LMTK2: variants seen among roughly 807,000 people sequenced by gnomAD.
LMTK2 encodes lemur tail kinase 2.
A neutral mutation model predicts 127.5 loss-of-function variants in LMTK2; 37 were observed. The observed-to-expected ratio is 0.29, with a 90% CI of 0.22 to 0.38. The LOEUF (loss-of-function observed/expected upper bound fraction) is 0.38, where lower values mean the gene tolerates loss of function less well. Ranked by LOEUF, LMTK2 falls within the 10% of genes least tolerant of loss-of-function variation. LMTK2 has a pLI of 1.00. For missense variants in LMTK2, 1,694 were observed against 1,920.3 expected (o/e 0.88, Z 2.20); for synonymous variants, 819 against 810.1 (o/e 1.01, Z -0.19).
chr7:98,123,427 T>G (rs1796396283), intron 1 of LMTK2, among the ~76,000 whole-genome samples: 1 of 152,158 alleles, frequency 6.6e-6, no homozygotes, highest in Admixed American at 6.5e-5. Context: ...CCAGGTGCCT[T>G]GTCAGCAGCT....
At chr7:98,115,178 G>A (rs1157924471) in intron 1 of LMTK2, among the ~76,000 whole-genome samples, 2 of 152,120 alleles carry the variant, frequency 1.3e-5, no homozygotes, top group African/African-American at 4.8e-5. Flanking sequence ...ACGGTGGGAG[G>A]TCGAGGTGGG....
chr7:98,200,815 T>C (rs1312740708), intron 11 of LMTK2, among the ~76,000 whole-genome samples: 1 of 151,958 alleles, frequency 6.6e-6, no homozygotes, highest in Non-Finnish European at 1.5e-5. Flanking sequence ...GTATTATTTA[T>C]TTTGTTGTTG....
At chr7:98,136,775 A>C (rs575555923) in intron 1 of LMTK2, among the ~76,000 whole-genome samples, 2 of 152,342 alleles carry the variant, frequency 1.3e-5, no homozygotes, top group South Asian at 2.1e-4. Flanking sequence ...CTGAGAAGAC[A>C]TTGGGTGGCC....
chr7:98,153,109 G>A (rs904717717), intron 4 of LMTK2, among the ~76,000 whole-genome samples: 2 of 152,182 alleles, frequency 1.3e-5, no homozygotes, highest in Non-Finnish European at 2.9e-5. Flanking sequence ...TGAGTTGGCC[G>A]TTAGACAACT....
chr7:98,190,638 C>G, intron 9 of LMTK2, 90 bp from the exon 10 acceptor site: 1 of 1,176,054 alleles, frequency 8.5e-7, no homozygotes, highest in Non-Finnish European at 1.3e-6. Flanking sequence ...CACACCTTGT[C>G]CTTAAAATTA....
At chr7:98,176,054 A>G (rs900799440) in intron 7 of LMTK2, among the ~76,000 whole-genome samples, 1 of 152,260 alleles carries the variant, frequency 6.6e-6, no homozygotes, top group Non-Finnish European at 1.5e-5. Context: ...AGACACAAAT[A>G]CTAGCAAACT....
At chr7:98,205,141 A>G (rs1797769709) in intron 13 of LMTK2, among the ~76,000 whole-genome samples, 1 of 152,194 alleles carries the variant, frequency 6.6e-6, no homozygotes, top group African/African-American at 2.4e-5. Context: ...AAGAGGCTTT[A>G]TTTCCCTCGG....
At chr7:98,140,114 C>G (rs571024578) in intron 2 of LMTK2, among the ~76,000 whole-genome samples, 1,413 of 7,504 alleles carry the variant, frequency 0.19, 248 homozygotes, top group South Asian at 0.38. Context: ...TTCTTTCTTT[C>G]TTTCTTTCTT....
rs1232497164 is a variant in LMTK2 at position 98,171,281 on chromosome 7, C to T, written c.658-260C>T. On this transcript the variant is annotated intron_variant, in intron 6 of 13. Transcript: ENST00000297293. The surrounding 1 kb of genome is among the most constrained non-coding windows in gnomAD (Gnocchi z 5.1). ...CTACACAGCATTTAGTTTAAATGTG[C>T]ATCATTGCAAAACTATCTTTTTTTA... Among the ~76,000 whole-genome samples the T allele has an allele frequency of 2.0e-5, 3 of 152,164 alleles. No individual in the cohort carries two copies. Among genetic ancestry groups the T allele is most frequent in the African/African-American group, 7.2e-5 (3 of 41,432 alleles).
At position 98,207,941 on chromosome 7, in the gene LMTK2, T is replaced by C. The variant is rs1457323475; in HGVS notation, c.*2449T>C. ...TCGTCTCTACTAAAAATACAAAATA[T>C]ATATATATATATATATACTAGCTGG... On this transcript the variant is annotated 3_prime_UTR_variant, in exon 14 of 14. Coordinates refer to ENST00000297293, the MANE Select transcript of LMTK2 (RefSeq NM_014916.4). The C allele has an allele frequency of 1.4e-5, 2 of 147,750 alleles. No homozygotes were observed. The highest frequency in any genetic ancestry group is 3.0e-5 in the Non-Finnish European group (2 of 66,552). 9.2% of individuals were successfully genotyped at this position (147,750 alleles called of 1,614,324 possible).
chr7:98,114,637 C>A (rs1229093635), intron 1 of LMTK2, among the ~76,000 whole-genome samples: 1 of 152,194 alleles, frequency 6.6e-6, no homozygotes, highest in Non-Finnish European at 1.5e-5. Context: ...TGTCTCCCTG[C>A]ATCTGGTGAA....
intron 7 of LMTK2, among the ~76,000 whole-genome samples, chr7:98,177,150 C>T (rs1797290464): frequency 6.6e-6 from 1 of 152,168 alleles, no homozygotes; most frequent in African/African-American, 2.4e-5. Flanking sequence ...AACCAAGAAA[C>T]TGTGCTTTTA....
chr7:98,152,690 G>A (rs1278622700), intron 4 of LMTK2, among the ~76,000 whole-genome samples: 3 of 152,162 alleles, frequency 2.0e-5, no homozygotes, highest in African/African-American at 7.2e-5. Flanking sequence ...GATATTGTGT[G>A]CCTAGAGACT....
chr7:98,151,567 T>C, intron 4 of LMTK2, 112 bp downstream of exon 4: 2 of 809,768 alleles, frequency 2.5e-6, no homozygotes, highest in Non-Finnish European at 3.9e-6. Flanking sequence ...GGCCCTGCGT[T>C]ACTAATTGAG....
intron 6 of LMTK2, among the ~76,000 whole-genome samples, chr7:98,167,776 C>T (rs765169615): frequency 3.0e-4 from 45 of 152,076 alleles, no homozygotes; most frequent in Admixed American, 5.2e-4. Flanking sequence ...AACCCCTGGT[C>T]GGGGAGCGCC....
intron 9 of LMTK2, among the ~76,000 whole-genome samples, chr7:98,187,979 C>A (rs1489324070): frequency 6.6e-6 from 1 of 152,124 alleles, no homozygotes; most frequent in Non-Finnish European, 1.5e-5. Context: ...AGACATGTAT[C>A]ATTTTTTCTT....
intron 11 of LMTK2, among the ~76,000 whole-genome samples, chr7:98,198,517 C>T (rs546093147): frequency 9.9e-5 from 15 of 152,138 alleles, no homozygotes; most frequent in African/African-American, 2.2e-4. Flanking sequence ...GACTGGGTCT[C>T]GCTCTGTCGC....
At position 98,194,022 on chromosome 7, in the gene LMTK2, G is replaced by T; in HGVS notation, c.3557G>T (p.Gly1186Val). The change falls in exon 11 of 14, where the codon GGT (glycine) becomes GTT (valine). Residue 1186 changes from glycine to valine, a missense_variant. Transcript: ENST00000297293. The surrounding 1 kb of genome is among the most constrained non-coding windows in gnomAD (Gnocchi z 5.4). ...LRATPEPAQT[G>V]VPQQVHPTED... is the part of the protein sequence containing the mutation. ...GCCACGCCGGAGCCAGCACAGACTG[G>T]TGTTCCCCAGCAGGTGCATCCCACG... The T allele has an allele frequency of 1.2e-6, 2 of 1,614,160 alleles. No homozygotes were observed. Among genetic ancestry groups the T allele is most frequent in the Non-Finnish European group, 1.7e-6 (2 of 1,180,050 alleles).
chr7:98,171,681 A>G lies in LMTK2; in HGVS notation c.791+7A>G, dbSNP rs35943072. 1.3e-6 allele frequency: 2 copies of G among 1,571,152 alleles called. No homozygotes were observed. Among genetic ancestry groups the G allele is most frequent in the South Asian group, 1.2e-5 (1 of 83,334 alleles). ...AGCTGCACTTCCTGCACAGGTGGGT[A>G]CCTGCGTCAGCGGTGCACGCCCCAC... On this transcript the variant is annotated splice_region_variant and intron_variant, in intron 7 of 13. Transcript: ENST00000297293. This position sits in a 1 kb window ranked among gnomAD's most constrained non-coding sequence, Gnocchi z 5.1.
Sources: gnomAD v4.1 joint callset for allele counts (sites outside exome capture counted in the v4.1 genomes callset) on GRCh38, gnomAD v4.1.1 for gene constraint, Gnocchi (gnomAD v3.1) non-coding constraint, MANE v1.5 for transcripts, NCBI Gene and HGNC (gene_info 2026-07-23, HGNC 2026-07-21) for gene names.